Variants in FGFR1 observed in about 807,000 individuals in gnomAD.
FGFR1 encodes fibroblast growth factor receptor 1.
FGFR1 carries 18 observed loss-of-function variants against 93.7 expected under a neutral mutation model. The observed-to-expected ratio is 0.19, with a 90% CI of 0.13 to 0.28. FGFR1 has a LOEUF of 0.28. Among genes scored for constraint, FGFR1 ranks in the 10% least tolerant of loss-of-function variants. FGFR1 has a pLI of 1.00. For synonymous variants in FGFR1, 448 were observed against 429.3 expected, an observed-to-expected ratio of 1.04 and a Z score of -0.54; for missense variants, 731 against 1,080.4, an observed-to-expected ratio of 0.68 and a Z score of 4.53.
Position 38,417,597 on chromosome 8 carries a change from T to G in FGFR1, c.1553-181A>C, listed in dbSNP as rs1817147616. On this transcript the variant is annotated intron_variant, in intron 11 of 17. Transcript: ENST00000447712. ...GAGCCGTTGTTGCAATAGGTGGTAG[T>G]GAGTGGGCAGGGATGTGGTGAGGAA... is the stretch of plus-strand genomic sequence containing the variant. 1.1e-5 allele frequency: 8 copies of G among 728,556 alleles called. No homozygotes were observed. In the South Asian group the frequency reaches 1.3e-4, roughly 11 times the overall value. The allele number at this position is 728,556 out of a possible 1,614,324, so 45.1% of individuals were successfully genotyped here. A position where few individuals can be genotyped will look rare whatever the true frequency, so the allele number is the denominator to read the frequency against.
intron 1 of FGFR1, among the ~76,000 whole-genome samples, chr8:38,457,956 C>T (rs537445394): frequency 8.5e-5 from 13 of 152,280 alleles, no homozygotes; most frequent in African/African-American, 2.9e-4. Flanking sequence ...GCACTCCAAC[C>T]TGGGTGACAG....
At position 38,431,345 on chromosome 8, in the gene FGFR1, G is replaced by C. The variant is rs977146982; in HGVS notation, c.92-1397C>G. On this transcript the variant is annotated intron_variant, in intron 2 of 17. Transcript: ENST00000447712. ...CCTCCTGGCACCTGTCACACTGAAG[G>C]GCAGTCCTCTTTCTGAACCTGAGTG... 2.6e-5 allele frequency among the ~76,000 whole-genome samples: 4 copies of C among 152,196 alleles called. 1 individual carries two copies. The highest frequency in any genetic ancestry group is 6.3e-3 in the Middle Eastern group (2 of 316).
chr8:38,421,372 A>G (rs1185272909), intron 8 of FGFR1, among the ~76,000 whole-genome samples: 1 of 152,224 alleles, frequency 6.6e-6, no homozygotes, highest in African/African-American at 2.4e-5. Context: ...TGCAAGCAGC[A>G]AGCCCCACCC....
At chr8:38,466,065 C>T (rs911111153) in intron 1 of FGFR1, 17 of 231,100 alleles carry the variant, frequency 7.4e-5, no homozygotes, top group Non-Finnish European at 1.5e-4. Flanking sequence ...GCTTTCCTGC[C>T]TCAAAGACTA....
At chr8:38,440,672 A>G (rs553471501) in intron 2 of FGFR1, among the ~76,000 whole-genome samples, 17 of 152,154 alleles carry the variant, frequency 1.1e-4, no homozygotes, top group African/African-American at 4.1e-4. Flanking sequence ...TAAAATGTAA[A>G]AACTCCACAT....
intron 5 of FGFR1, among the ~76,000 whole-genome samples, 166 bp downstream of exon 5, chr8:38,427,754 AG>A (rs1821309502): frequency 6.6e-6 from 1 of 152,246 alleles, no homozygotes; most frequent in South Asian, 2.1e-4. Flanking sequence ...AGAAGACTGA[AG>A]AAATGTTTAA....
intron 4 of FGFR1, 39 bp from the exon 5 acceptor site, chr8:38,428,132 A>G (rs2150921959): frequency 6.2e-7 from 1 of 1,612,912 alleles, no homozygotes; most frequent in Non-Finnish European, 8.5e-7. Flanking sequence ...CAGGGTGGAG[A>G]GGAGCAGCTG....
In FGFR1 at chr8:38,429,761, G is replaced by C. The variant is rs781034707; in HGVS notation, c.279C>G (p.Pro93=). 5 of 1,602,682 alleles carry C rather than the reference G, an allele frequency of 3.1e-6. No homozygotes were observed. Among genetic ancestry groups the C allele is most frequent in the Non-Finnish European group, 4.3e-6 (5 of 1,174,716 alleles). Residue 93 remains proline (P), a synonymous_variant, in exon 3 of 18, where the codon CCC becomes CCG. Transcript: ENST00000447712. This position sits in a 1 kb window ranked among gnomAD's most constrained non-coding sequence, Gnocchi z 4.4. ...GEEVEVQDSV[P]ADSGLYACVT... is the part of the protein sequence containing the mutation. ...CGCAAGCATAGAGGCCGGAGTCTGC[G>C]GGCACGGAGTCCTGCACCTCCACCT... is the stretch of plus-strand genomic sequence containing the variant.
At chr8:38,435,265 C>T (rs1824903970) in intron 2 of FGFR1, 1 of 152,272 alleles carries the variant, frequency 6.6e-6, no homozygotes, top group Non-Finnish European at 1.5e-5. Flanking sequence ...TCCCACAGTG[C>T]CTAACAATGT....
Position 38,429,669 on chromosome 8 carries a change from C to T in FGFR1, c.358+13G>A, listed in dbSNP as rs2150953878. The T allele has an allele frequency of 6.4e-7, 1 of 1,560,722 alleles. No individual in the cohort carries two copies. The highest frequency in any genetic ancestry group is 8.7e-7 in the Non-Finnish European group (1 of 1,151,968). ...GGTCTAGGGAGGGGCAAGGGCAGGG[C>T]TTGGCTACCAACCTGAAACATTGAC... On this transcript the variant is annotated intron_variant, in intron 3 of 17. Transcript: ENST00000447712. The surrounding 1 kb of genome is among the most constrained non-coding windows in gnomAD (Gnocchi z 4.4).
intron 2 of FGFR1, among the ~76,000 whole-genome samples, chr8:38,439,253 C>T (rs573097466): frequency 4.7e-4 from 72 of 152,240 alleles, no homozygotes; most frequent in Admixed American, 2.0e-3. Flanking sequence ...TTCAGTCCAG[C>T]CAGCACTGTC....
chr8:38,426,141 T>C lies in FGFR1; in HGVS notation c.726A>G (p.Thr242=), dbSNP rs776086343. ...VENEYGSINH[T]YQLDVVERSP... ...TCTTACCCACGACATCCAGCTGGTA[T>C]GTGTGGTTGATGCTGCCGTACTCAT... The change falls in exon 6 of 18, where the codon ACA becomes ACG. Residue 242 remains threonine, a synonymous_variant. Transcript: ENST00000447712. This position sits in a 1 kb window ranked among gnomAD's most constrained non-coding sequence, Gnocchi z 4.1. 1.2e-6 allele frequency: 2 copies of C among 1,614,124 alleles called. No individual in the cohort carries two copies. The highest frequency in any genetic ancestry group is 2.2e-5 in the East Asian group (1 of 44,884).
At chr8:38,432,472 C>A (rs371253170) in intron 2 of FGFR1, among the ~76,000 whole-genome samples, 6 of 145,574 alleles carry the variant, frequency 4.1e-5, no homozygotes, top group African/African-American at 1.5e-4. Flanking sequence ...GAGTGAAGTG[C>A]TGCGATCTCG....
At chr8:38,462,813 A>T (rs1834709609) in intron 1 of FGFR1, among the ~76,000 whole-genome samples, 3 of 151,482 alleles carry the variant, frequency 2.0e-5, no homozygotes, top group Admixed American at 1.3e-4. Flanking sequence ...CATGTTGGCC[A>T]GGCTGGTCTT....
At chr8:38,457,284 A>G (rs774100626) in intron 2 of FGFR1, 72 bp downstream of exon 2, 219 of 1,545,778 alleles carry the variant, frequency 1.4e-4, no homozygotes, top group Non-Finnish European at 1.9e-4. Flanking sequence ...ACCTGCAACC[A>G]TATCACCTCC....
intron 2 of FGFR1, 119 bp downstream of exon 2, chr8:38,457,237 C>T (rs1303346314): frequency 1.7e-6 from 2 of 1,147,796 alleles, no homozygotes; most frequent in Non-Finnish European, 2.5e-6. Flanking sequence ...GAGTTCTTTG[C>T]TCCACTTGGG....
chr8:38,443,921 C>T (rs190848892), intron 2 of FGFR1, among the ~76,000 whole-genome samples: 83 of 151,694 alleles, frequency 5.5e-4, no homozygotes, highest in African/African-American at 1.9e-3. Flanking sequence ...GGTGTGGTGG[C>T]GAATGCCTGT....
At chr8:38,438,495 A>C (rs1826202093) in intron 2 of FGFR1, among the ~76,000 whole-genome samples, 1 of 151,428 alleles carries the variant, frequency 6.6e-6, no homozygotes, top group South Asian at 2.1e-4. Context: ...GTGAACCGAA[A>C]TCACACCACT....
Position 38,411,800 on chromosome 8 carries a change from C to G in FGFR1, c.*1828G>C, listed in dbSNP as rs563863786. ...AAAAACATTCGGAGAATTTTCCCCC[C>G]GTTCCTGAGGGACAGGATGGAGTTT... On this transcript the variant is annotated 3_prime_UTR_variant, in exon 18 of 18. Transcript: ENST00000447712. The G allele has an allele frequency of 8.7e-6, 2 of 229,876 alleles. No individual in the cohort carries two copies. The highest frequency in any genetic ancestry group is 2.2e-5 in the African/African-American group (1 of 45,098). 14.2% of individuals were successfully genotyped at this position (229,876 alleles called of 1,614,324 possible).
Sources: gnomAD v4.1 joint callset for allele counts (sites outside exome capture counted in the v4.1 genomes callset) on GRCh38, gnomAD v4.1.1 for gene constraint, Gnocchi (gnomAD v3.1) non-coding constraint, MANE v1.5 for transcripts, NCBI Gene and HGNC (gene_info 2026-07-23, HGNC 2026-07-21) for gene names.